TMEM132C: variants seen among roughly 807,000 people sequenced by gnomAD.
The protein encoded by TMEM132C is transmembrane protein 132C.
A neutral mutation model predicts 61.4 loss-of-function variants in TMEM132C; 29 were observed. The ratio of observed to expected loss-of-function variants is 0.47; its 90% confidence interval spans 0.35 to 0.64. The LOEUF is 0.64. TMEM132C is among the 30% of genes least tolerant of loss of function. TMEM132C has a pLI of 0.00. For missense variants in TMEM132C, 1,408 were observed against 1,476.9 expected, an observed-to-expected ratio of 0.95 and a Z score of 0.76; for synonymous variants, 656 against 633.1, an observed-to-expected ratio of 1.04 and a Z score of -0.54.
chr12:128,341,831 A>G (rs945955100), intron 1 of TMEM132C, among the ~76,000 whole-genome samples: 1 of 152,148 alleles, frequency 6.6e-6, no homozygotes, highest in Non-Finnish European at 1.5e-5. Flanking sequence ...TTGTATTTTA[A>G]ATGAGAAGGA....
intron 2 of TMEM132C, among the ~76,000 whole-genome samples, chr12:128,423,244 G>A (rs764080421): frequency 6.6e-6 from 1 of 152,146 alleles, no homozygotes; most frequent in Non-Finnish European, 1.5e-5. Context: ...TCTCAGCTTC[G>A]GCACAGAAGG....
chr12:128,461,268 A>G (rs1593061815), intron 2 of TMEM132C, among the ~76,000 whole-genome samples: 1 of 152,168 alleles, frequency 6.6e-6, no homozygotes, highest in Non-Finnish European at 1.5e-5. Context: ...CAAGGGACAT[A>G]GAACTGTGCA....
At chr12:128,396,550 A>G (rs1617191) in intron 1 of TMEM132C, among the ~76,000 whole-genome samples, 57,321 of 151,988 alleles carry the variant, frequency 0.38, 12,147 homozygotes, top group African/African-American at 0.58. Context: ...CTGCACATGT[A>G]TCTCAGAACT....
chr12:128,494,823 G>T (rs1871883246), intron 2 of TMEM132C, among the ~76,000 whole-genome samples: 1 of 151,750 alleles, frequency 6.6e-6, no homozygotes, highest in Non-Finnish European at 1.5e-5. Context: ...TTTTTGAAGG[G>T]TTTTTTGTGT....
chr12:128,663,950 A>G (rs1361109833), intron 4 of TMEM132C, among the ~76,000 whole-genome samples: 1 of 101,696 alleles, frequency 9.8e-6, no homozygotes, highest in Non-Finnish European at 2.1e-5. Flanking sequence ...TCACACAGGC[A>G]CACACACATA....
rs573741076 is a variant in TMEM132C at position 128,535,411 on chromosome 12, A to G, written c.975-8546A>G. On this transcript the variant is annotated intron_variant, in intron 2 of 8. Transcript: ENST00000435159. ...TTACAAGAAAAAAACAAACAACCCC[A>G]TGAAAAAGTGGGCGAAGGATATGAA... Among the ~76,000 whole-genome samples, 14 of 152,322 alleles carry G rather than the reference A, an allele frequency of 9.2e-5. 1 individual carries two copies. Among genetic ancestry groups the G allele is most frequent in the Admixed American group, 2.6e-4 (4 of 15,302 alleles).
At chr12:128,480,256 TCTC>T (rs1382720113) in intron 2 of TMEM132C, among the ~76,000 whole-genome samples, 4 of 152,004 alleles carry the variant, frequency 2.6e-5, no homozygotes, top group Non-Finnish European at 5.9e-5. Context: ...AAAGAAAAAA[TCTC>T]CTCTTTGACC....
intron 1 of TMEM132C, among the ~76,000 whole-genome samples, chr12:128,320,654 A>T (rs1872301160): frequency 6.6e-6 from 1 of 151,990 alleles, no homozygotes. Context: ...CTTTAGTTCC[A>T]GCTAGCTACT....
intron 3 of TMEM132C, among the ~76,000 whole-genome samples, chr12:128,615,047 T>C (rs1876753750): frequency 6.6e-6 from 1 of 152,220 alleles, no homozygotes. Context: ...TGGCTGCTGC[T>C]CTAGAACCCA....
chr12:128,565,280 A>T (rs1297459900), intron 3 of TMEM132C, among the ~76,000 whole-genome samples: 1 of 152,236 alleles, frequency 6.6e-6, no homozygotes, highest in Admixed American at 6.5e-5. Context: ...ATGCCTTCAT[A>T]TAAGACCCCG....
chr12:128,606,909 G>T (rs949365475), intron 3 of TMEM132C, among the ~76,000 whole-genome samples: 3 of 152,264 alleles, frequency 2.0e-5, no homozygotes, highest in South Asian at 4.1e-4. Context: ...TATTGCTGGG[G>T]CTCACCAGTA....
intron 2 of TMEM132C, among the ~76,000 whole-genome samples, chr12:128,473,173 T>A (rs1418124765): frequency 1.5e-3 from 233 of 151,716 alleles, no homozygotes; most frequent in African/African-American, 5.4e-3. Flanking sequence ...CACTCCAGCC[T>A]CCATCTTCAT....
At chr12:128,604,378 G>A (rs1161312338) in intron 3 of TMEM132C, among the ~76,000 whole-genome samples, 1 of 151,022 alleles carries the variant, frequency 6.6e-6, no homozygotes, top group Non-Finnish European at 1.5e-5. Flanking sequence ...GGGATAGATA[G>A]ATGGCTAGAT....
At chr12:128,621,748 C>T (rs1406624593) in intron 4 of TMEM132C, among the ~76,000 whole-genome samples, 2 of 152,200 alleles carry the variant, frequency 1.3e-5, no homozygotes, top group Non-Finnish European at 2.9e-5. Context: ...ACTGGGAAGT[C>T]TGTTTTCTGT....
chr12:128,471,127 G>A (rs561634464), intron 2 of TMEM132C, among the ~76,000 whole-genome samples: 1 of 152,252 alleles, frequency 6.6e-6, no homozygotes, highest in Admixed American at 6.5e-5. Flanking sequence ...AATGCCAGAA[G>A]CATCCCCGCT....
At chr12:128,363,553 A>G (rs1873769748) in intron 1 of TMEM132C, among the ~76,000 whole-genome samples, 1 of 152,184 alleles carries the variant, frequency 6.6e-6, no homozygotes, top group South Asian at 2.1e-4. Flanking sequence ...GGGGAGAATA[A>G]GATGGGGTTC....
At chr12:128,390,310 G>T (rs1221480832) in intron 1 of TMEM132C, among the ~76,000 whole-genome samples, 9 of 152,334 alleles carry the variant, frequency 5.9e-5, no homozygotes, top group Non-Finnish European at 1.2e-4. Context: ...GTGCTGGCAG[G>T]GCTATGTTCC....
At chr12:128,282,376 C>T (rs1870926067) in intron 1 of TMEM132C, among the ~76,000 whole-genome samples, 1 of 152,184 alleles carries the variant, frequency 6.6e-6, no homozygotes, top group African/African-American at 2.4e-5. Flanking sequence ...CTTGGGAGGC[C>T]TCAGGAAACT....
intron 3 of TMEM132C, among the ~76,000 whole-genome samples, chr12:128,587,096 C>A (rs192543857): frequency 3.3e-5 from 5 of 152,244 alleles, no homozygotes; most frequent in Non-Finnish European, 5.9e-5. Flanking sequence ...TCAGGGAATG[C>A]GTTCTTGTGG....
Sources: allele counts gnomAD v4.1 joint callset (sites outside exome capture counted in the v4.1 genomes callset), GRCh38; gene constraint gnomAD v4.1.1; transcripts MANE v1.5; gene names NCBI Gene and HGNC (gene_info 2026-07-23, HGNC 2026-07-21).